XPNPEP1: variants seen among roughly 807,000 people sequenced by gnomAD.
The protein encoded by XPNPEP1 is X-prolyl aminopeptidase 1, also known as xaa-Pro aminopeptidase 1.
A neutral mutation model predicts 92.4 loss-of-function variants in XPNPEP1; 39 were observed. The observed-to-expected ratio is 0.42, with a 90% CI of 0.33 to 0.55. The LOEUF (loss-of-function observed/expected upper bound fraction) is 0.55, where lower values mean the gene tolerates loss of function less well. Ranked by LOEUF, XPNPEP1 falls within the 20% of genes least tolerant of loss-of-function variation. The pLI, the probability that XPNPEP1 is intolerant of heterozygous loss-of-function variation, is 0.08. For missense variants in XPNPEP1, 654 were observed against 856.1 expected, an observed-to-expected ratio of 0.76 and a Z score of 2.95; for synonymous variants, 307 against 299.4, an observed-to-expected ratio of 1.03 and a Z score of -0.26.
intron 20 of XPNPEP1, among the ~76,000 whole-genome samples, chr10:109,868,077 G>C (rs1256036242): frequency 6.6e-6 from 1 of 152,140 alleles, no homozygotes; most frequent in Non-Finnish European, 1.5e-5. Flanking sequence ...CTTTGTGAAG[G>C]GTTTCACTGC....
chr10:109,876,302 G>A (rs1847783768), intron 14 of XPNPEP1: 3 of 152,264 alleles, frequency 2.0e-5, no homozygotes, highest in Admixed American at 2.0e-4. Flanking sequence ...CCCTGCAGCT[G>A]AAGTGAGGTT....
intron 5 of XPNPEP1, among the ~76,000 whole-genome samples, chr10:109,889,288 C>G (rs766770211): frequency 2.0e-5 from 3 of 152,236 alleles, no homozygotes; most frequent in African/African-American, 4.8e-5. Flanking sequence ...CTGCAACCTC[C>G]ACCACCTGGA....
intron 3 of XPNPEP1, chr10:109,893,293 T>C: frequency 2.3e-6 from 1 of 439,742 alleles, no homozygotes; most frequent in Non-Finnish European, 4.0e-6. Flanking sequence ...CCCTTTAGCC[T>C]CTATTTCCTC....
intron 1 of XPNPEP1, among the ~76,000 whole-genome samples, chr10:109,918,759 A>T (rs990309471): frequency 6.6e-6 from 1 of 151,286 alleles, no homozygotes; most frequent in Non-Finnish European, 1.5e-5. Flanking sequence ...AGAGAAAAGG[A>T]AAGAAAGAAA....
At chr10:109,912,871 C>G (rs1413170675) in intron 2 of XPNPEP1, among the ~76,000 whole-genome samples, 1 of 152,200 alleles carries the variant, frequency 6.6e-6, no homozygotes, top group East Asian at 1.9e-4. Flanking sequence ...TCAAAGATGG[C>G]TAAATCAAAT....
chr10:109,880,987 C>T (rs1268121187), intron 10 of XPNPEP1, 56 bp from the exon 11 acceptor site: 3 of 1,522,984 alleles, frequency 2.0e-6, no homozygotes, highest in Non-Finnish European at 2.7e-6. Context: ...CACCCAAGAC[C>T]AAGGCAACAA....
chr10:109,899,667 T>C (rs1189606167), intron 3 of XPNPEP1, among the ~76,000 whole-genome samples: 1 of 152,014 alleles, frequency 6.6e-6, no homozygotes, highest in East Asian at 1.9e-4. Context: ...GAGAATGGAG[T>C]AGGGTCCAAA....
chr10:109,874,223 C>T (rs945888972), intron 15 of XPNPEP1, among the ~76,000 whole-genome samples: 1 of 152,152 alleles, frequency 6.6e-6, no homozygotes, highest in Non-Finnish European at 1.5e-5. Context: ...GCCCCTGACA[C>T]ACGCATTCTT....
At position 109,923,440 on chromosome 10, in the gene XPNPEP1, G is replaced by A; in HGVS notation, c.-7C>T. The A allele has an allele frequency of 3.5e-6, 5 of 1,438,512 alleles. No individual in the cohort carries two copies. Among genetic ancestry groups the A allele is most frequent in the Non-Finnish European group, 4.6e-6 (5 of 1,095,144 alleles). The allele number at this position is 1,438,512 out of a possible 1,614,324, so 89.1% of individuals were successfully genotyped here. On this transcript the variant is annotated 5_prime_UTR_variant, in exon 1 of 21. Coordinates refer to ENST00000502935, the MANE Select transcript of XPNPEP1 (RefSeq NM_020383.4). Reference sequence around the variant, plus strand: ...GCTTTCTGGAGGCTGCCATTCGGCGGTGACGTGCCCCAGCCCACGTCAGGG... The same window carrying A: ...GCTTTCTGGAGGCTGCCATTCGGCGATGACGTGCCCCAGCCCACGTCAGGG...
chr10:109,874,545 C>G (rs915634276), intron 15 of XPNPEP1, among the ~76,000 whole-genome samples: 2 of 152,228 alleles, frequency 1.3e-5, no homozygotes, highest in Non-Finnish European at 2.9e-5. Context: ...TATTAACACC[C>G]CTGTGTCCCA....
At position 109,875,579 on chromosome 10, in the gene XPNPEP1, C is replaced by G; in HGVS notation, c.1340G>C (p.Arg447Thr). ...GTACACCTCATCCAGGGACAAGGTC[C>G]TATTCGTCTCAGGGACTGGCCTAAC... Reference protein sequence around the residue: ...IHYAPVPETNRTLSLDEVYLI... With the variant: ...IHYAPVPETNTTLSLDEVYLI... The change falls in exon 15 of 21, where the codon AGG becomes ACG. Residue 447 changes from arginine to threonine, a missense_variant. Coordinates refer to ENST00000502935, the MANE Select transcript of XPNPEP1 (RefSeq NM_020383.4). 1.2e-6 allele frequency: 2 copies of G among 1,614,140 alleles called. No individual in the cohort carries two copies. Among genetic ancestry groups the G allele is most frequent in the Non-Finnish European group, 1.7e-6 (2 of 1,180,004 alleles).
rs932006687 is a variant in XPNPEP1 at position 109,875,740 on chromosome 10, T to C, written c.1320-141A>G. On this transcript the variant is annotated intron_variant, in intron 14 of 20. Coordinates refer to ENST00000502935, the MANE Select transcript of XPNPEP1 (RefSeq NM_020383.4). Reference sequence around the variant, plus strand: ...TATATCAAAATAGAAAGTTATGCAATAATGAATTATTTCAACTAATATTAA... The same window carrying C: ...TATATCAAAATAGAAAGTTATGCAACAATGAATTATTTCAACTAATATTAA... 9.6e-6 allele frequency: 6 copies of C among 626,324 alleles called. No individual in the cohort carries two copies. The African/African-American group carries it at 1.1e-4, about 11-fold the overall frequency. 38.8% of individuals were successfully genotyped at this position (626,324 alleles called of 1,614,324 possible).
chr10:109,873,386 G>A lies in XPNPEP1; in HGVS notation c.1433C>T (p.Thr478Ile). ...CCTTACCTTCTCGTAGGCTGTAGGG[G>A]TCCCAAAATGCATTGTCCGCGTCAC... is the stretch of plus-strand genomic sequence containing the variant. ...TDVTRTMHFG[T>I]PTAYEKECFT... Residue 478 changes from threonine (T) to isoleucine (I), a missense_variant, in exon 16 of 21, where the codon ACC (threonine) becomes ATC (isoleucine). Thr to Ile is a moderately conservative substitution (Grantham distance 89, BLOSUM62 -1). Transcript: ENST00000502935. 6.2e-7 allele frequency: 1 copy of A among 1,614,110 alleles called. No homozygotes were observed. Among genetic ancestry groups the A allele is most frequent in the Non-Finnish European group, 8.5e-7 (1 of 1,180,018 alleles).
chr10:109,881,959 G>C (rs1365079499), intron 10 of XPNPEP1, among the ~76,000 whole-genome samples: 2 of 152,212 alleles, frequency 1.3e-5, no homozygotes, highest in Non-Finnish European at 2.9e-5. Flanking sequence ...GGCAGAAGGA[G>C]GGGGTAGAGA....
chr10:109,919,106 A>C (rs1460754584), intron 1 of XPNPEP1, among the ~76,000 whole-genome samples: 1 of 152,234 alleles, frequency 6.6e-6, no homozygotes, highest in African/African-American at 2.4e-5. Flanking sequence ...GACACAAATC[A>C]AAAAGCACAG....
chr10:109,918,527 C>T (rs1240326924), intron 1 of XPNPEP1, among the ~76,000 whole-genome samples: 3 of 152,026 alleles, frequency 2.0e-5, no homozygotes, highest in African/African-American at 4.8e-5. Flanking sequence ...TTTGGGAGGC[C>T]GAGGTGGGCA....
intron 16 of XPNPEP1, among the ~76,000 whole-genome samples, chr10:109,873,068 C>G (rs642071): frequency 1.3e-5 from 2 of 152,248 alleles, no homozygotes; most frequent in African/African-American, 2.4e-5. Context: ...GTATTTCACT[C>G]TCTCATCCCC....
At position 109,923,483 on chromosome 10, in the gene XPNPEP1, T is replaced by A. The variant is rs1447120132; in HGVS notation, c.-50A>T. The A allele has an allele frequency of 2.2e-6, 3 of 1,354,734 alleles. No individual in the cohort carries two copies. In the African/African-American group the frequency reaches 4.6e-5, roughly 21 times the overall value. 83.9% of individuals were successfully genotyped at this position (1,354,734 alleles called of 1,614,324 possible). On this transcript the variant is annotated 5_prime_UTR_variant, in exon 1 of 21. Transcript: ENST00000502935. ...CGTCAGGGGAGCGCAGACCAGCTGATCACCCGCGGAAGGGCCGGCGCGAAG... is the reference window on the plus strand; with the variant it reads ...CGTCAGGGGAGCGCAGACCAGCTGAACACCCGCGGAAGGGCCGGCGCGAAG...
chr10:109,890,755 C>G (rs1321986906), intron 5 of XPNPEP1, among the ~76,000 whole-genome samples: 1 of 152,122 alleles, frequency 6.6e-6, no homozygotes, highest in African/African-American at 2.4e-5. Flanking sequence ...TTGTTCCTCC[C>G]TAAGACAAAG....
Sources: gnomAD v4.1 joint callset for allele counts (sites outside exome capture counted in the v4.1 genomes callset) on GRCh38, gnomAD v4.1.1 for gene constraint, MANE v1.5 for transcripts, NCBI Gene and HGNC (gene_info 2026-07-23, HGNC 2026-07-21) for gene names.